COMMD1: variants seen among roughly 807,000 people sequenced by gnomAD.
COMMD1 encodes copper metabolism domain containing 1.
Under a neutral mutation model 17.2 loss-of-function variants are expected in COMMD1, and 10 were observed. The observed-to-expected ratio is 0.58, with a 90% CI of 0.36 to 0.99. COMMD1 has a LOEUF of 0.99. Among genes scored for constraint, COMMD1 ranks in the 50% least tolerant of loss-of-function variants. The pLI is 0.01. For synonymous variants in COMMD1, 97 were observed against 91.6 expected (o/e 1.06, Z -0.34); for missense variants, 270 against 231.8 (o/e 1.17, Z -1.07).
intron 1 of COMMD1, among the ~76,000 whole-genome samples, chr2:61,958,261 T>C (rs2103687204): frequency 6.7e-6 from 1 of 150,068 alleles, no homozygotes; most frequent in South Asian, 2.1e-4. Flanking sequence ...TTGTGGTTTC[T>C]TTCTTTCCTT....
intron 1 of COMMD1, among the ~76,000 whole-genome samples, chr2:61,982,512 GTAT>G (rs1351070730): frequency 6.6e-5 from 10 of 152,112 alleles, no homozygotes; most frequent in Non-Finnish European, 1.5e-4. Context: ...AAGACTTTCA[GTAT>G]TATGTTGAAT....
intron 2 of COMMD1, among the ~76,000 whole-genome samples, chr2:62,085,965 A>C (rs895077836): frequency 2.6e-5 from 4 of 151,916 alleles, no homozygotes; most frequent in Admixed American, 6.6e-5. Flanking sequence ...GCGACAGAGC[A>C]AGACTCTGTC....
chr2:62,117,667 G>A (rs567008539), intron 2 of COMMD1, among the ~76,000 whole-genome samples: 8 of 152,176 alleles, frequency 5.3e-5, no homozygotes, highest in Admixed American at 4.6e-4. Flanking sequence ...CATTTTGTAT[G>A]TGTGGAATAA....
At chr2:62,071,902 T>C (rs1258867418) in intron 2 of COMMD1, among the ~76,000 whole-genome samples, 1 of 152,032 alleles carries the variant, frequency 6.6e-6, no homozygotes, top group African/African-American at 2.4e-5. Context: ...AGACTCTTTA[T>C]GGCAGTAAGA....
Position 62,007,029 on chromosome 2 carries a change from T to C in COMMD1, c.462+6047T>C, listed in dbSNP as rs142923028. Among the ~76,000 whole-genome samples, 76 of 152,326 alleles carry C rather than the reference T, an allele frequency of 5.0e-4. 1 individual carries two copies. Among genetic ancestry groups the C allele is most frequent in the African/African-American group, 1.7e-3 (72 of 41,586 alleles). ...AAACATTTAGACTTAGTCTCAGTAC[T>C]GAACCATTTAGTACTGAATTGTTCT... is the stretch of plus-strand genomic sequence containing the variant. On this transcript the variant is annotated intron_variant, in intron 2 of 2. Coordinates refer to ENST00000311832, the MANE Select transcript of COMMD1 (RefSeq NM_152516.4).
intron 2 of COMMD1, among the ~76,000 whole-genome samples, chr2:62,127,456 A>G (rs1204639433): frequency 6.6e-6 from 1 of 152,240 alleles, no homozygotes; most frequent in Non-Finnish European, 1.5e-5. Flanking sequence ...CGAAGATATC[A>G]TGCTACCAGA....
At chr2:62,021,147 C>T (rs964827356) in intron 2 of COMMD1, among the ~76,000 whole-genome samples, 2 of 152,118 alleles carry the variant, frequency 1.3e-5, no homozygotes, top group Non-Finnish European at 2.9e-5. Context: ...TAGCTGTGTC[C>T]TCAACCACAT....
intron 2 of COMMD1, among the ~76,000 whole-genome samples, chr2:62,082,052 G>A (rs999916886): frequency 1.3e-5 from 2 of 152,166 alleles, no homozygotes; most frequent in Middle Eastern, 3.4e-3. Flanking sequence ...TACATTTATC[G>A]TTGGACCACA....
At chr2:61,989,537 A>T (rs948546146) in intron 1 of COMMD1, among the ~76,000 whole-genome samples, 1 of 149,786 alleles carries the variant, frequency 6.7e-6, no homozygotes, top group African/African-American at 2.5e-5. Flanking sequence ...ATCTGGGCTC[A>T]CTGCAACCTC....
At chr2:62,111,156 C>T (rs921606755) in intron 2 of COMMD1, among the ~76,000 whole-genome samples, 1 of 152,144 alleles carries the variant, frequency 6.6e-6, no homozygotes, top group East Asian at 1.9e-4. Flanking sequence ...AAGTTTCTCA[C>T]AATAATCCTT....
At chr2:62,031,924 A>G (rs1035878068) in intron 2 of COMMD1, among the ~76,000 whole-genome samples, 15 of 152,202 alleles carry the variant, frequency 9.9e-5, no homozygotes, top group Non-Finnish European at 1.5e-4. Flanking sequence ...CCACTATCAC[A>G]TTAACAATAC....
chr2:62,096,725 A>T lies in COMMD1; in HGVS notation c.463-39106A>T, dbSNP rs546488539. Among the ~76,000 whole-genome samples the T allele has an allele frequency of 1.9e-4, 29 of 152,324 alleles. No homozygotes were observed. The South Asian group carries it at 5.4e-3, about 28-fold the overall frequency. On this transcript the variant is annotated intron_variant, in intron 2 of 2. Coordinates refer to ENST00000311832, the MANE Select transcript of COMMD1 (RefSeq NM_152516.4). ...GAGTTTATTAATAGCCCCCTTGGGGAAATCATATGTCCCAAATACTTAACT... is the reference window on the plus strand; with the variant it reads ...GAGTTTATTAATAGCCCCCTTGGGGTAATCATATGTCCCAAATACTTAACT...
chr2:61,892,809 A>T (rs186399823), intron 1 of COMMD1, among the ~76,000 whole-genome samples: 22 of 151,754 alleles, frequency 1.4e-4, no homozygotes, highest in Middle Eastern at 3.4e-3. Context: ...TCTCTGCATT[A>T]GTTTATTATC....
chr2:62,135,569 T>C (rs1432097981), intron 2 of COMMD1, among the ~76,000 whole-genome samples: 1 of 152,080 alleles, frequency 6.6e-6, no homozygotes, highest in African/African-American at 2.4e-5. Flanking sequence ...GCCAGGATGG[T>C]CTCGATCTCC....
At chr2:62,080,133 A>G (rs1573158011) in intron 2 of COMMD1, among the ~76,000 whole-genome samples, 1 of 152,124 alleles carries the variant, frequency 6.6e-6, no homozygotes, top group Non-Finnish European at 1.5e-5. Context: ...CTTCCGAAGA[A>G]TGTCCACAAA....
chr2:62,003,768 T>G (rs1321789010), intron 2 of COMMD1, among the ~76,000 whole-genome samples: 4 of 152,150 alleles, frequency 2.6e-5, no homozygotes. Context: ...TAACATTTGG[T>G]CAGGAATATG....
intron 2 of COMMD1, among the ~76,000 whole-genome samples, chr2:62,004,092 C>T (rs985129072): frequency 6.6e-6 from 1 of 151,918 alleles, no homozygotes; most frequent in South Asian, 2.1e-4. Context: ...CGGATCACTT[C>T]ACTTTAGCCT....
chr2:62,061,619 G>A (rs1255285516), intron 2 of COMMD1, among the ~76,000 whole-genome samples: 4 of 146,954 alleles, frequency 2.7e-5, no homozygotes, highest in South Asian at 4.3e-4. Flanking sequence ...GCAGTGGCAC[G>A]ATCTCAGCTC....
At chr2:61,945,168 A>G (rs1670874549) in intron 1 of COMMD1, among the ~76,000 whole-genome samples, 1 of 152,180 alleles carries the variant, frequency 6.6e-6, no homozygotes, top group East Asian at 1.9e-4. Context: ...CTTTAGCCGA[A>G]TGAAAGCCCA....
Sources: gnomAD v4.1 joint callset for allele counts (sites outside exome capture counted in the v4.1 genomes callset) on GRCh38, gnomAD v4.1.1 for gene constraint, MANE v1.5 for transcripts, NCBI Gene and HGNC (gene_info 2026-07-23, HGNC 2026-07-21) for gene names.